ADD2: variants seen among roughly 807,000 people sequenced by gnomAD.
ADD2 encodes adducin 2.
Under a neutral mutation model 83.0 loss-of-function variants are expected in ADD2, and 23 were observed. That is an observed-to-expected ratio of 0.28 (90% CI 0.20 to 0.39). The LOEUF (loss-of-function observed/expected upper bound fraction) is 0.39. Among genes scored for constraint, ADD2 ranks in the 10% least tolerant of loss-of-function variants. The pLI is 1.00. For synonymous variants in ADD2, 375 were observed against 375.4 expected (o/e 1.00, Z 0.01); for missense variants, 758 against 944.9 (o/e 0.80, Z 2.59).
intron 1 of ADD2, among the ~76,000 whole-genome samples, chr2:70,721,620 TGTGTTGAGAAAGCCAC>T (rs1284499343): frequency 1.3e-5 from 2 of 152,182 alleles, no homozygotes; most frequent in Non-Finnish European, 1.5e-5. Flanking sequence ...TCCGGCAAAA[TGTGTTGAGAAAGCCAC>T]GTGTTTTCTG....
At chr2:70,673,769 G>A (rs1670008170) in intron 14 of ADD2, among the ~76,000 whole-genome samples, 1 of 152,170 alleles carries the variant, frequency 6.6e-6, no homozygotes, top group Non-Finnish European at 1.5e-5. Context: ...GCTAATTTTT[G>A]TATTTTTAGT....
chr2:70,671,059 C>A (rs1404391110), intron 15 of ADD2, among the ~76,000 whole-genome samples: 2 of 152,172 alleles, frequency 1.3e-5, no homozygotes, highest in Non-Finnish European at 2.9e-5. Flanking sequence ...GCCTCCTCTC[C>A]AGCCCTGGAT....
intron 9 of ADD2, among the ~76,000 whole-genome samples, chr2:70,686,512 C>T (rs1670734167): frequency 1.3e-5 from 2 of 152,142 alleles, no homozygotes. Context: ...TGGGGTGGTG[C>T]GACACATGGG....
intron 4 of ADD2, among the ~76,000 whole-genome samples, chr2:70,699,889 T>C: frequency 6.6e-6 from 1 of 152,052 alleles, no homozygotes; most frequent in East Asian, 1.9e-4. Context: ...TACGCAGAGG[T>C]CATCACATTA....
rs1021755925 is a variant in ADD2 at position 70,657,411 on chromosome 2, C to G, written c.*6014G>C. On this transcript the variant is annotated 3_prime_UTR_variant, in exon 16 of 16. Coordinates refer to ENST00000264436, the MANE Select transcript of ADD2 (RefSeq NM_001617.4). ...AGGCTCTGGACCGTATGTTCTCCCC[C>G]ACCTGGCCTCTTCCCGGAGAGAGCA... 2.0e-5 allele frequency: 3 copies of G among 152,228 alleles called. No individual in the cohort carries two copies. The highest frequency in any genetic ancestry group is 4.8e-5 in the African/African-American group (2 of 41,438). 9.4% of individuals were successfully genotyped at this position (152,228 alleles called of 1,614,324 possible).
At chr2:70,694,889 G>A (rs1009657459) in intron 6 of ADD2, among the ~76,000 whole-genome samples, 1 of 151,684 alleles carries the variant, frequency 6.6e-6, no homozygotes, top group Admixed American at 6.6e-5. Context: ...AACACCTTAC[G>A]GACAGAGCCT....
chr2:70,762,798 C>A (rs1041561346), intron 1 of ADD2, among the ~76,000 whole-genome samples: 2 of 149,300 alleles, frequency 1.3e-5, no homozygotes, highest in Non-Finnish European at 3.0e-5. Flanking sequence ...CTCCGCCTCC[C>A]GGGTTCAAGC....
rs1425346673 is a variant in ADD2, at chr2:70,706,493, G to T, written c.-34-51C>A. Reference sequence around the variant, plus strand: ...GGTCAGGTTGGTGCTCCCCATCGGGGTACACGTTTCTCAGAGCACAGGGCT... The same window carrying T: ...GGTCAGGTTGGTGCTCCCCATCGGGTTACACGTTTCTCAGAGCACAGGGCT... On this transcript the variant is annotated intron_variant, in intron 2 of 15. Transcript: ENST00000264436. The surrounding 1 kb of genome is among the most constrained non-coding windows in gnomAD (Gnocchi z 5.0). The T allele has an allele frequency of 3.4e-6, 5 of 1,486,330 alleles. No homozygotes were observed. Among genetic ancestry groups the T allele is most frequent in the African/African-American group, 1.4e-5 (1 of 71,894 alleles). The allele number at this position is 1,486,330 out of a possible 1,614,324, so 92.1% of individuals were successfully genotyped here.
chr2:70,733,273 C>T (rs991104944), intron 1 of ADD2, among the ~76,000 whole-genome samples: 9 of 152,180 alleles, frequency 5.9e-5, no homozygotes, highest in Non-Finnish European at 7.4e-5. Flanking sequence ...AGTGATCCCT[C>T]GGCTGCTTTT....
At chr2:70,702,028 T>C (rs565629982) in intron 4 of ADD2, among the ~76,000 whole-genome samples, 1 of 152,200 alleles carries the variant, frequency 6.6e-6, no homozygotes, top group African/African-American at 2.4e-5. Flanking sequence ...CCTACAGAGC[T>C]TACATTCTAA....
Position 70,678,782 on chromosome 2 carries a change from A to G in ADD2, c.1305T>C (p.Asn435=), listed in dbSNP as rs1670307596. The G allele has an allele frequency of 2.5e-6, 4 of 1,613,672 alleles. No individual in the cohort carries two copies. The highest frequency in any genetic ancestry group is 1.3e-5 in the African/African-American group (1 of 75,004). ...KQQKEKTRWL[N]TPNTYLRVNV... ...TGACCCGCAGGTAGGTGTTGGGCGT[A>G]TTGAGCCAGCGGGTCTTCTCCTTCT... Residue 435 remains asparagine, a synonymous_variant, in exon 11 of 16, where the codon AAT becomes AAC. Coordinates refer to ENST00000264436, the MANE Select transcript of ADD2 (RefSeq NM_001617.4).
At chr2:70,726,185 T>C (rs1672988812) in intron 1 of ADD2, among the ~76,000 whole-genome samples, 2 of 12,622 alleles carry the variant, frequency 1.6e-4, no homozygotes, top group Admixed American at 1.3e-3. Context: ...AGACTCCATC[T>C]CAAAAAAAAA....
intron 1 of ADD2, among the ~76,000 whole-genome samples, chr2:70,735,250 C>A (rs944248727): frequency 6.6e-6 from 1 of 151,950 alleles, no homozygotes; most frequent in Admixed American, 6.6e-5. Flanking sequence ...CTGAATGAAA[C>A]CCTGTGAACA....
chr2:70,734,421 T>C (rs868946825), intron 1 of ADD2, among the ~76,000 whole-genome samples: 31 of 151,236 alleles, frequency 2.0e-4, no homozygotes, highest in African/African-American at 7.0e-4. Context: ...GCATCACCAA[T>C]GGACCAGACC....
In ADD2 at chr2:70,676,323, A is replaced by T; in HGVS notation, c.1593+473T>A. The T allele has an allele frequency of 9.8e-7, 1 of 1,016,242 alleles. No homozygotes were observed. Among genetic ancestry groups the T allele is most frequent in the East Asian group, 9.1e-5 (1 of 10,950 alleles). The allele number at this position is 1,016,242 out of a possible 1,614,324, so 63.0% of individuals were successfully genotyped here. On this transcript the variant is annotated intron_variant, in intron 13 of 15. Coordinates refer to ENST00000264436, the MANE Select transcript of ADD2 (RefSeq NM_001617.4). This position sits in a 1 kb window ranked among gnomAD's most constrained non-coding sequence, Gnocchi z 4.8. ...TTGTCCCTTCCCATCCTGTAGGAGCATGGGTCCTGTCTATATACCCCTTCT... is the reference window on the plus strand; with the variant it reads ...TTGTCCCTTCCCATCCTGTAGGAGCTTGGGTCCTGTCTATATACCCCTTCT...
At chr2:70,692,886 T>C (rs1468968677) in intron 6 of ADD2, among the ~76,000 whole-genome samples, 5 of 152,052 alleles carry the variant, frequency 3.3e-5, no homozygotes, top group Non-Finnish European at 5.9e-5. Flanking sequence ...TCTAACAAGT[T>C]CTCAAGTGAT....
chr2:70,664,851 T>A (rs1230087127), intron 15 of ADD2, among the ~76,000 whole-genome samples: 1 of 151,984 alleles, frequency 6.6e-6, no homozygotes, highest in Non-Finnish European at 1.5e-5. Flanking sequence ...TGTGTCTGTG[T>A]GTGTGGTGTG....
intron 10 of ADD2, among the ~76,000 whole-genome samples, chr2:70,682,636 G>A (rs1362298731): frequency 6.6e-6 from 1 of 152,312 alleles, no homozygotes; most frequent in East Asian, 1.9e-4. Flanking sequence ...AGAAGTTACA[G>A]CCTCTTATGC....
At chr2:70,684,796 C>T (rs1040840569) in intron 9 of ADD2, among the ~76,000 whole-genome samples, 3 of 152,196 alleles carry the variant, frequency 2.0e-5, no homozygotes, top group Non-Finnish European at 4.4e-5. Context: ...ATTGTCAAGG[C>T]TCCATGGGGA....
Sources: gnomAD v4.1 joint callset for allele counts (sites outside exome capture counted in the v4.1 genomes callset) on GRCh38, gnomAD v4.1.1 for gene constraint, Gnocchi (gnomAD v3.1) non-coding constraint, MANE v1.5 for transcripts, NCBI Gene and HGNC (gene_info 2026-07-23, HGNC 2026-07-21) for gene names.